MARCHF1: variants seen among roughly 807,000 people sequenced by gnomAD.
MARCHF1 encodes the protein membrane associated ring-CH-type finger 1, also known as E3 ubiquitin-protein ligase MARCHF1.
Under a neutral mutation model 54.2 loss-of-function variants are expected in MARCHF1, and 40 were observed. The observed-to-expected ratio is 0.74, with a 90% CI of 0.57 to 0.96. The LOEUF (loss-of-function observed/expected upper bound fraction) is 0.96, where lower values mean the gene tolerates loss of function less well. MARCHF1 is among the 40% of genes least tolerant of loss of function. The probability of loss-of-function intolerance (pLI) is 0.00; values close to 1 mark genes in which losing one functional copy is unlikely to be tolerated. For missense variants in MARCHF1, 586 were observed against 656.5 expected (o/e 0.89, Z 1.17); for synonymous variants, 236 against 236.3 (o/e 1.00, Z 0.01).
chr4:163,858,211 C>T (rs901585718), intron 3 of MARCHF1, among the ~76,000 whole-genome samples: 4 of 152,114 alleles, frequency 2.6e-5, no homozygotes, highest in Non-Finnish European at 4.4e-5. Context: ...AACTGTGCAA[C>T]CTGGCAGCCC....
intron 2 of MARCHF1, among the ~76,000 whole-genome samples, chr4:164,052,430 G>A (rs1754393487): frequency 6.6e-6 from 1 of 152,044 alleles, no homozygotes; most frequent in Non-Finnish European, 1.5e-5. Flanking sequence ...TACTATGGAG[G>A]CTGAGGCAGG....
intron 4 of MARCHF1, among the ~76,000 whole-genome samples, chr4:163,772,047 C>A (rs750535823): frequency 2.0e-5 from 3 of 152,098 alleles, no homozygotes; most frequent in Non-Finnish European, 4.4e-5. Flanking sequence ...GAGGCATCAC[C>A]TGGGAGTTTG....
intron 1 of MARCHF1, among the ~76,000 whole-genome samples, chr4:164,153,785 CT>C (rs2110916496): frequency 6.6e-6 from 1 of 152,106 alleles, no homozygotes; most frequent in African/African-American, 2.4e-5. Context: ...TAAATTTATG[CT>C]TTTAAAACAA....
intron 8 of MARCHF1, among the ~76,000 whole-genome samples, chr4:163,571,730 GACTTCAAATCTAC>G (rs1739847560): frequency 6.6e-6 from 1 of 150,578 alleles, no homozygotes; most frequent in African/African-American, 2.4e-5. Flanking sequence ...GATTTGCTCA[GACTTCAAATCTAC>G]ACTGGGGTTT....
intron 1 of MARCHF1, among the ~76,000 whole-genome samples, chr4:164,176,898 T>C (rs1245568247): frequency 6.7e-6 from 1 of 148,534 alleles, no homozygotes; most frequent in African/African-American, 2.5e-5. Flanking sequence ...TTTCTTGATT[T>C]TTTTCTTAAA....
At position 164,026,310 on chromosome 4, in the gene MARCHF1, A is replaced by G. The variant is rs1753767465; in HGVS notation, c.-247-37601T>C. ...AGAAAACTTCAGATCAATCTCCCTG[A>G]TGAACGTAGATTCATAATCCCTCAA... On this transcript the variant is annotated intron_variant, in intron 2 of 9. Coordinates refer to ENST00000514618, the MANE Select transcript of MARCHF1 (RefSeq NM_001394959.1). 2.6e-5 allele frequency among the ~76,000 whole-genome samples: 4 copies of G among 152,138 alleles called. No individual in the cohort carries two copies. The South Asian group carries it at 8.3e-4, about 31-fold the overall frequency.
At chr4:164,347,438 C>T (rs1730140577) in intron 1 of MARCHF1, among the ~76,000 whole-genome samples, 1 of 152,228 alleles carries the variant, frequency 6.6e-6, no homozygotes, top group Middle Eastern at 3.4e-3. Context: ...TATTATCCCA[C>T]TCAGCCAAGG....
At chr4:163,936,116 C>T (rs746183474) in intron 3 of MARCHF1, among the ~76,000 whole-genome samples, 9 of 152,038 alleles carry the variant, frequency 5.9e-5, no homozygotes, top group African/African-American at 9.7e-5. Context: ...AAGGGCCTGA[C>T]GATGGAGCAG....
At chr4:163,626,716 C>G (rs1353255761) in intron 5 of MARCHF1, among the ~76,000 whole-genome samples, 2 of 152,116 alleles carry the variant, frequency 1.3e-5, no homozygotes, top group Non-Finnish European at 2.9e-5. Context: ...ATCATGAGGT[C>G]AGGACATCGA....
intron 2 of MARCHF1, among the ~76,000 whole-genome samples, chr4:164,054,875 A>G (rs1754454347): frequency 6.6e-6 from 1 of 151,616 alleles, no homozygotes; most frequent in Admixed American, 6.6e-5. Flanking sequence ...ACATGTATAC[A>G]TATGTAACTA....
intron 2 of MARCHF1, among the ~76,000 whole-genome samples, chr4:164,049,436 A>G (rs1027853147): frequency 6.6e-5 from 10 of 151,110 alleles, no homozygotes; most frequent in African/African-American, 2.2e-4. Context: ...AACAGATACT[A>G]TAATCTTTTT....
rs539846062 is a variant in MARCHF1 at position 164,283,320 on chromosome 4, G to C, written c.-323+100550C>G. Among the ~76,000 whole-genome samples the C allele has an allele frequency of 4.0e-5, 6 of 150,910 alleles. 1 individual carries two copies. In the South Asian group the frequency reaches 1.3e-3, roughly 32 times the overall value. Reference sequence around the variant, plus strand: ...TTCACCCACTCCCTAGGTTCAGTATGTCATTCTTTTCCTCCCTCCTCAATA... The same window carrying C: ...TTCACCCACTCCCTAGGTTCAGTATCTCATTCTTTTCCTCCCTCCTCAATA... On this transcript the variant is annotated intron_variant, in intron 1 of 9. Transcript: ENST00000514618.
chr4:164,220,501 G>A (rs1427796736), intron 1 of MARCHF1, among the ~76,000 whole-genome samples: 5 of 144,068 alleles, frequency 3.5e-5, no homozygotes, highest in South Asian at 4.3e-4. Context: ...TACACATATG[G>A]GAATGGCATA....
At chr4:163,734,738 T>C (rs1422065851) in intron 4 of MARCHF1, among the ~76,000 whole-genome samples, 2 of 152,094 alleles carry the variant, frequency 1.3e-5, no homozygotes, top group African/African-American at 4.8e-5. Context: ...AGGGGAAGAA[T>C]ATGCTCATTA....
chr4:164,357,146 T>C (rs1042717850), intron 1 of MARCHF1, among the ~76,000 whole-genome samples: 7 of 151,916 alleles, frequency 4.6e-5, no homozygotes, highest in African/African-American at 1.5e-4. Flanking sequence ...AAAAATTTAG[T>C]GGTTTAAAAC....
intron 5 of MARCHF1, among the ~76,000 whole-genome samples, chr4:163,618,212 C>A (rs1025934601): frequency 5.9e-5 from 9 of 152,176 alleles, no homozygotes; most frequent in Non-Finnish European, 8.8e-5. Context: ...AATCCTCGGC[C>A]CTCTTCTGAG....
At chr4:163,871,695 G>A (rs1354501061) in intron 3 of MARCHF1, among the ~76,000 whole-genome samples, 1 of 151,974 alleles carries the variant, frequency 6.6e-6, no homozygotes, top group African/African-American at 2.4e-5. Flanking sequence ...TACAGGATGT[G>A]TATTTGATAA....
chr4:163,922,754 A>G (rs1751458720), intron 3 of MARCHF1, among the ~76,000 whole-genome samples: 1 of 152,208 alleles, frequency 6.6e-6, no homozygotes, highest in Non-Finnish European at 1.5e-5. Context: ...ATGCTAAATG[A>G]CACACATCAA....
chr4:164,087,462 A>G (rs1755213158), intron 2 of MARCHF1, among the ~76,000 whole-genome samples: 1 of 152,190 alleles, frequency 6.6e-6, no homozygotes, highest in Admixed American at 6.5e-5. Context: ...ACATAGAAAC[A>G]CAGATAGACA....
Sources: gnomAD v4.1 joint callset for allele counts (sites outside exome capture counted in the v4.1 genomes callset) on GRCh38, gnomAD v4.1.1 for gene constraint, MANE v1.5 for transcripts, NCBI Gene and HGNC (gene_info 2026-07-23, HGNC 2026-07-21) for gene names.